The following PRKG1 variants were observed in gnomAD, a reference collection of about 807,000 sequenced individuals.
PRKG1 encodes the protein cGMP-dependent protein kinase 1.
A neutral mutation model predicts 88.1 loss-of-function variants in PRKG1; 35 were observed. That is an observed-to-expected ratio of 0.40 (90% CI 0.30 to 0.53). The LOEUF is 0.53. Ranked by LOEUF, PRKG1 falls within the 20% of genes least tolerant of loss-of-function variation. The pLI is 0.59. For missense variants in PRKG1, 540 were observed against 839.8 expected (o/e 0.64, Z 4.41); for synonymous variants, 303 against 292.5 (o/e 1.04, Z -0.37).
intron 5 of PRKG1, among the ~76,000 whole-genome samples, chr10:51,966,072 A>G (rs1050461156): frequency 2.0e-5 from 3 of 152,194 alleles, no homozygotes; most frequent in African/African-American, 7.2e-5. Context: ...TAATCAATGT[A>G]AATGTTTTTA....
At chr10:51,511,662 A>T (rs887067623) in intron 3 of PRKG1, among the ~76,000 whole-genome samples, 3 of 152,228 alleles carry the variant, frequency 2.0e-5, no homozygotes, top group African/African-American at 7.2e-5. Context: ...CAATGGTTAA[A>T]ATGAGAAAGA....
chr10:52,018,968 A>G (rs1337458350), intron 5 of PRKG1, among the ~76,000 whole-genome samples: 2 of 54,472 alleles, frequency 3.7e-5, no homozygotes, highest in African/African-American at 1.2e-4. Flanking sequence ...TGGATAATTT[A>G]TGAAGAAAAG....
At chr10:51,188,559 T>C (rs1450372010) in intron 2 of PRKG1, among the ~76,000 whole-genome samples, 2 of 151,928 alleles carry the variant, frequency 1.3e-5, no homozygotes, top group Non-Finnish European at 2.9e-5. Flanking sequence ...TTGCAACAAA[T>C]TGATGAATAA....
At chr10:51,482,328 A>G (rs570101583) in intron 3 of PRKG1, among the ~76,000 whole-genome samples, 1 of 152,380 alleles carries the variant, frequency 6.6e-6, no homozygotes, top group Admixed American at 6.5e-5. Context: ...GCAGTATTAA[A>G]TAGATACTTA....
At chr10:52,012,392 C>G (rs1844911787) in intron 5 of PRKG1, among the ~76,000 whole-genome samples, 1 of 152,042 alleles carries the variant, frequency 6.6e-6, no homozygotes, top group Admixed American at 6.5e-5. Context: ...CAGGTGCCCA[C>G]CACCACTCCT....
chr10:51,225,762 A>T (rs1838675765), intron 2 of PRKG1, among the ~76,000 whole-genome samples: 1 of 152,188 alleles, frequency 6.6e-6, no homozygotes, highest in African/African-American at 2.4e-5. Flanking sequence ...GTCATTAAAA[A>T]AATACTGATT....
chr10:51,787,113 G>A (rs940750163), intron 3 of PRKG1, among the ~76,000 whole-genome samples: 20 of 152,092 alleles, frequency 1.3e-4, no homozygotes, highest in African/African-American at 4.8e-4. Context: ...ACCTTTGGTT[G>A]GATAATCTTC....
At chr10:51,154,180 T>A (rs1174942028) in intron 2 of PRKG1, among the ~76,000 whole-genome samples, 1 of 152,046 alleles carries the variant, frequency 6.6e-6, no homozygotes, top group Non-Finnish European at 1.5e-5. Flanking sequence ...GTGGTGTATT[T>A]GGGCAAGTCA....
intron 3 of PRKG1, among the ~76,000 whole-genome samples, chr10:51,787,512 T>C (rs1447245495): frequency 6.6e-6 from 1 of 152,162 alleles, no homozygotes; most frequent in Non-Finnish European, 1.5e-5. Flanking sequence ...AAGGAAGAGA[T>C]GCTGCTGGCA....
At chr10:51,374,093 A>AAAATATATATATATATATAT in intron 2 of PRKG1, among the ~76,000 whole-genome samples, 4 of 100,180 alleles carry the variant, frequency 4.0e-5, no homozygotes, top group South Asian at 4.3e-4. Context: ...AAAAAAAAAA[A>AAAATATATATATATATATAT]ATATATATAT....
chr10:51,194,011 C>G (rs12242341), intron 2 of PRKG1, among the ~76,000 whole-genome samples: 36 of 152,228 alleles, frequency 2.4e-4, no homozygotes, highest in African/African-American at 8.2e-4. Context: ...AGAATGTTTT[C>G]TCCTTAGTAG....
intron 5 of PRKG1, among the ~76,000 whole-genome samples, chr10:51,917,318 CAAAAAAAAA>C (rs1288522303): frequency 2.9e-5 from 2 of 69,514 alleles, no homozygotes; most frequent in African/African-American, 7.8e-5. Context: ...GACTCCATCT[CAAAAAAAAA>C]AAAAAAAAAG....
intron 3 of PRKG1, among the ~76,000 whole-genome samples, chr10:51,654,579 A>G (rs1769898169): frequency 6.6e-6 from 1 of 152,128 alleles, no homozygotes; most frequent in Non-Finnish European, 1.5e-5. Context: ...CACACAACCA[A>G]ACTCAGGAGG....
chr10:51,155,845 C>T (rs1276386796), intron 2 of PRKG1, among the ~76,000 whole-genome samples: 2 of 151,900 alleles, frequency 1.3e-5, no homozygotes, highest in East Asian at 3.9e-4. Context: ...GGGTAATCAG[C>T]TTTACTCAAT....
intron 3 of PRKG1, among the ~76,000 whole-genome samples, chr10:51,597,375 A>G (rs955114084): frequency 2.0e-5 from 3 of 152,148 alleles, no homozygotes; most frequent in African/African-American, 7.2e-5. Context: ...ACCCCTGACA[A>G]CTGTATGTGG....
At chr10:51,090,622 T>C (rs16913696) in intron 1 of PRKG1, among the ~76,000 whole-genome samples, 3,137 of 152,258 alleles carry the variant, frequency 0.021, 95 homozygotes, top group East Asian at 0.14. Flanking sequence ...GGTAAAGCTG[T>C]TTATGCTCTA....
At chr10:50,995,181 A>G (rs1842825831) in intron 1 of PRKG1, among the ~76,000 whole-genome samples, 1 of 152,254 alleles carries the variant, frequency 6.6e-6, no homozygotes, top group South Asian at 2.1e-4. Flanking sequence ...ATAGGTGACA[A>G]AAATATCTTA....
intron 7 of PRKG1, among the ~76,000 whole-genome samples, chr10:52,092,261 A>G (rs1346265094): frequency 6.6e-6 from 1 of 152,136 alleles, no homozygotes; most frequent in Non-Finnish European, 1.5e-5. Context: ...GCTCCAGCCT[A>G]TTTATGTGTA....
chr10:51,415,686 TGAGTG>T (rs552942835), intron 2 of PRKG1, among the ~76,000 whole-genome samples: 1 of 152,228 alleles, frequency 6.6e-6, no homozygotes, highest in African/African-American at 2.4e-5. Flanking sequence ...AGAAGGCACA[TGAGTG>T]GCACCAGCCA....
Sources: gnomAD v4.1 joint callset for allele counts (sites outside exome capture counted in the v4.1 genomes callset) on GRCh38, gnomAD v4.1.1 for gene constraint, MANE v1.5 for transcripts, NCBI Gene and HGNC (gene_info 2026-07-23, HGNC 2026-07-21) for gene names.